GPC6: variants seen among roughly 807,000 people sequenced by gnomAD.
The protein encoded by GPC6 is glypican 6.
A neutral mutation model predicts 55.2 loss-of-function variants in GPC6; 14 were observed. That is an observed-to-expected ratio of 0.25 (90% confidence interval 0.17 to 0.40). The LOEUF (loss-of-function observed/expected upper bound fraction) is 0.40, where lower values mean the gene tolerates loss of function less well. GPC6 is among the 10% of genes least tolerant of loss of function. GPC6 has a pLI of 1.00. For synonymous variants in GPC6, 278 were observed against 259.6 expected (o/e 1.07, Z -0.68); for missense variants, 641 against 708.5 (o/e 0.90, Z 1.08).
At chr13:94,183,308 T>A (rs1201284214) in intron 4 of GPC6, among the ~76,000 whole-genome samples, 1 of 152,228 alleles carries the variant, frequency 6.6e-6, no homozygotes, top group Admixed American at 6.5e-5. Flanking sequence ...TCATGCAATA[T>A]TTGTCCTTTT....
chr13:94,193,590 C>T (rs1287780773), intron 4 of GPC6, among the ~76,000 whole-genome samples: 1 of 152,042 alleles, frequency 6.6e-6, no homozygotes, highest in Non-Finnish European at 1.5e-5. Context: ...GAAAACAGAA[C>T]GTGGTGAGCG....
intron 1 of GPC6, among the ~76,000 whole-genome samples, chr13:93,280,592 G>A (rs1280975762): frequency 1.3e-5 from 2 of 152,224 alleles, no homozygotes; most frequent in East Asian, 3.8e-4. Context: ...TTTTCACATT[G>A]TGCATGCCTA....
At chr13:93,224,699 G>A (rs1185437877), upstream of GPC6, among the ~76,000 whole-genome samples, 1 of 152,080 alleles carries the variant, frequency 6.6e-6, no homozygotes, top group Non-Finnish European at 1.5e-5. Flanking sequence ...CCCTTGTCTA[G>A]GCTCCTGCTG....
chr13:93,872,026 G>T (rs1889147638), intron 3 of GPC6, among the ~76,000 whole-genome samples: 1 of 151,940 alleles, frequency 6.6e-6, no homozygotes, highest in East Asian at 1.9e-4. Context: ...TAATTTATAT[G>T]AATTCATGTA....
chr13:93,699,473 A>T (rs1451596204), intron 2 of GPC6, among the ~76,000 whole-genome samples: 1 of 152,098 alleles, frequency 6.6e-6, no homozygotes, highest in African/African-American at 2.4e-5. Flanking sequence ...CTGTACAGAG[A>T]GGTGGTCAGT....
chr13:93,942,663 A>G (rs1349924298), intron 3 of GPC6, among the ~76,000 whole-genome samples: 1 of 152,130 alleles, frequency 6.6e-6, no homozygotes, highest in Non-Finnish European at 1.5e-5. Context: ...GCATTTCATC[A>G]CTGTTGCCAT....
intron 1 of GPC6, among the ~76,000 whole-genome samples, chr13:93,407,683 A>G (rs1323112932): frequency 1.3e-5 from 2 of 152,180 alleles, no homozygotes; most frequent in Non-Finnish European, 2.9e-5. Context: ...GTTATGTGGC[A>G]TTATGGTTCA....
intron 3 of GPC6, among the ~76,000 whole-genome samples, chr13:93,989,947 C>A (rs1487901264): frequency 7.2e-6 from 1 of 137,950 alleles, no homozygotes; most frequent in East Asian, 2.1e-4. Flanking sequence ...TATATATATT[C>A]TTTTCTTTGT....
chr13:93,295,329 A>C (rs532428744), intron 1 of GPC6, among the ~76,000 whole-genome samples: 2 of 151,242 alleles, frequency 1.3e-5, no homozygotes, highest in South Asian at 4.2e-4. Context: ...AAAAGAAAGA[A>C]AGAAAAAGAA....
At chr13:93,855,296 T>C (rs1888559766) in intron 3 of GPC6, among the ~76,000 whole-genome samples, 1 of 151,678 alleles carries the variant, frequency 6.6e-6, no homozygotes, top group African/African-American at 2.4e-5. Flanking sequence ...CCTTTTCAGA[T>C]TGGCTTCTTT....
At chr13:93,540,512 A>C (rs974322533) in intron 1 of GPC6, among the ~76,000 whole-genome samples, 1 of 152,040 alleles carries the variant, frequency 6.6e-6, no homozygotes, top group African/African-American at 2.4e-5. Flanking sequence ...TTTTCTAGAA[A>C]TTTAATAAGA....
At chr13:93,940,417 G>GATGA (rs1878676824) in intron 3 of GPC6, among the ~76,000 whole-genome samples, 1 of 92,642 alleles carries the variant, frequency 1.1e-5, no homozygotes, top group South Asian at 2.9e-4. Context: ...TGGATGAATG[G>GATGA]ATGGATGGAT....
At chr13:93,891,491 C>T (rs1366226395) in intron 3 of GPC6, among the ~76,000 whole-genome samples, 1 of 152,046 alleles carries the variant, frequency 6.6e-6, no homozygotes, top group Non-Finnish European at 1.5e-5. Flanking sequence ...CAATCAAGTC[C>T]CCTCTGCAGA....
At chr13:94,316,930 C>T (rs1876570698) in intron 6 of GPC6, among the ~76,000 whole-genome samples, 1 of 152,158 alleles carries the variant, frequency 6.6e-6, no homozygotes, top group African/African-American at 2.4e-5. Flanking sequence ...AATTGTTCTC[C>T]CTTTCTGTCT....
rs536916831 is a variant in GPC6 at position 93,377,726 on chromosome 13, G to A, written c.160+150110G>A. ...TGAACACCCTGATTTTAAATCCTCT[G>A]TTATGATCTTACCACCAATCTTCTA... On this transcript the variant is annotated intron_variant, in intron 1 of 8. Coordinates refer to ENST00000377047, the MANE Select transcript of GPC6 (RefSeq NM_005708.5). Among the ~76,000 whole-genome samples the A allele has an allele frequency of 3.9e-5, 6 of 152,252 alleles. No individual in the cohort carries two copies. The South Asian group carries it at 1.2e-3, about 32-fold the overall frequency.
chr13:93,370,278 CT>C (rs1043106797), intron 1 of GPC6, among the ~76,000 whole-genome samples: 16 of 152,206 alleles, frequency 1.1e-4, no homozygotes, highest in African/African-American at 2.6e-4. Flanking sequence ...CAGAGGTCCC[CT>C]GATAAAGAAA....
intron 2 of GPC6, among the ~76,000 whole-genome samples, chr13:93,629,344 C>T (rs949669950): frequency 6.6e-6 from 1 of 151,958 alleles, no homozygotes; most frequent in Admixed American, 6.6e-5. Context: ...CATATGCATA[C>T]ATTTTTGAAT....
rs1254530836 is a variant in GPC6 at position 93,270,851 on chromosome 13, A to G, written c.160+43235A>G. ...AGTTTAGCACCAGATGAGAAGCAGTATAGAAAAGACAGATAAATGGAGATT... is the reference window on the plus strand; with the variant it reads ...AGTTTAGCACCAGATGAGAAGCAGTGTAGAAAAGACAGATAAATGGAGATT... On this transcript the variant is annotated intron_variant, in intron 1 of 8. Coordinates refer to ENST00000377047, the MANE Select transcript of GPC6 (RefSeq NM_005708.5). Among the ~76,000 whole-genome samples, 9 of 152,112 alleles carry G rather than the reference A, an allele frequency of 5.9e-5. No homozygotes were observed. The East Asian group carries it at 1.5e-3, about 26-fold the overall frequency.
chr13:93,605,159 C>A (rs1286771878), intron 2 of GPC6, among the ~76,000 whole-genome samples: 1 of 152,102 alleles, frequency 6.6e-6, no homozygotes, highest in South Asian at 2.1e-4. Flanking sequence ...CAGTTGGTTT[C>A]TGCACAGATT....
Sources: allele counts gnomAD v4.1 joint callset (sites outside exome capture counted in the v4.1 genomes callset), GRCh38; gene constraint gnomAD v4.1.1; transcripts MANE v1.5; gene names NCBI Gene and HGNC (gene_info 2026-07-23, HGNC 2026-07-21).